The following TNFSF11 variants were observed in gnomAD, a reference collection of about 807,000 sequenced individuals.
TNFSF11 encodes tumor necrosis factor ligand superfamily member 11.
In TNFSF11, 12 loss-of-function variants were observed where a neutral mutation model predicts 32.2. The ratio of observed to expected loss-of-function variants is 0.37; its 90% CI spans 0.24 to 0.60. The LOEUF is 0.60. Among genes scored for constraint, TNFSF11 ranks in the 20% least tolerant of loss-of-function variants. The probability of loss-of-function intolerance (pLI) is 0.66; values close to 1 mark genes in which losing one functional copy is unlikely to be tolerated. For missense variants in TNFSF11, 345 were observed against 398.0 expected (o/e 0.87, Z 1.13); for synonymous variants, 172 against 152.1 (o/e 1.13, Z -0.96).
intron 2 of TNFSF11, among the ~76,000 whole-genome samples, chr13:42,588,304 G>A (rs1423763186): frequency 6.6e-6 from 1 of 152,230 alleles, no homozygotes; most frequent in Non-Finnish European, 1.5e-5. Flanking sequence ...AGGGAAGAAG[G>A]TAGGAAGCAG....
chr13:42,574,637 AG>A, intron 1 of TNFSF11, 115 bp downstream of exon 1: 2 of 1,280,950 alleles, frequency 1.6e-6, no homozygotes, highest in Non-Finnish European at 2.2e-6. Flanking sequence ...ATATTCCGGA[AG>A]GGAAAGTGAC....
intron 2 of TNFSF11, among the ~76,000 whole-genome samples, chr13:42,597,150 G>A (rs984236849): frequency 5.3e-5 from 7 of 131,444 alleles, no homozygotes; most frequent in Non-Finnish European, 1.1e-4. Flanking sequence ...ACAGATATTG[G>A]GAATACTTTC....
intron 4 of TNFSF11, among the ~76,000 whole-genome samples, chr13:42,602,345 G>T (rs866642713): frequency 7.9e-5 from 12 of 152,118 alleles, no homozygotes; most frequent in African/African-American, 2.9e-4. Context: ...TGTTATTTTT[G>T]AGTTCAATTA....
chr13:42,591,642 C>T (rs1868486962), intron 2 of TNFSF11, among the ~76,000 whole-genome samples: 1 of 152,170 alleles, frequency 6.6e-6, no homozygotes, highest in Non-Finnish European at 1.5e-5. Flanking sequence ...CAGCTCCATC[C>T]AGGTGCATAT....
chr13:42,587,822 T>C (rs1047713757), intron 2 of TNFSF11, among the ~76,000 whole-genome samples: 3 of 152,268 alleles, frequency 2.0e-5, no homozygotes, highest in African/African-American at 4.8e-5. Context: ...AGCTCATTCC[T>C]ATTTTTGAAC....
intron 4 of TNFSF11, among the ~76,000 whole-genome samples, 193 bp from the exon 5 acceptor site, chr13:42,606,304 T>C (rs529321503): frequency 6.6e-6 from 1 of 152,376 alleles, no homozygotes; most frequent in South Asian, 2.1e-4. Context: ...TCGTAGCCTC[T>C]ACTGTGCCTA....
chr13:42,564,592 A>G lies in TNFSF11; in HGVS notation c.-302+1629A>G, dbSNP rs1872802672. ...CAAAAAAAAAAAAAAATTCTTGTCTACTATTTCCAATATTTGGGTCATCTG... is the reference window on the plus strand; with the variant it reads ...CAAAAAAAAAAAAAAATTCTTGTCTGCTATTTCCAATATTTGGGTCATCTG... On this transcript the variant is annotated intron_variant, in intron 1 of 6. Coordinates refer to the TNFSF11 transcript ENST00000358545. Among the ~76,000 whole-genome samples the G allele has an allele frequency of 2.0e-5, 3 of 152,192 alleles. No homozygotes were observed. The South Asian group carries it at 6.2e-4, about 32-fold the overall frequency.
In TNFSF11 at chr13:42,600,782, A is replaced by T; in HGVS notation, c.418A>T (p.Ile140Phe). The part of the protein sequence containing the change: ...ELQHIVGSQH[I>F]RAEKAMVDGS... Reference sequence around the variant, plus strand: ...ACAACATATCGTTGGATCACAGCACATCAGAGCAGAGAAAGGTAAGCATGG... The same window carrying T: ...ACAACATATCGTTGGATCACAGCACTTCAGAGCAGAGAAAGGTAAGCATGG... The change falls in exon 3 of 5, where the codon ATC becomes TTC. Residue 140 changes from isoleucine to phenylalanine, a missense_variant. Around this residue, in one of 2 missense-constraint regions of TNFSF11, gnomAD observed 197 missense variants for 182.0 expected, o/e 1.08. Transcript: ENST00000398795. 6.2e-7 allele frequency: 1 copy of T among 1,614,172 alleles called. No individual in the cohort carries two copies. Among genetic ancestry groups the T allele is most frequent in the Non-Finnish European group, 8.5e-7 (1 of 1,180,016 alleles).
intron 3 of TNFSF11, 33 bp downstream of exon 3, chr13:42,600,830 C>T (rs1869133284): frequency 6.2e-7 from 1 of 1,613,812 alleles, no homozygotes; most frequent in Non-Finnish European, 8.5e-7. Context: ...GTATGAAATC[C>T]CACAGGGTCA....
Position 42,606,801 on chromosome 13 carries a change from A to G in TNFSF11, c.837A>G (p.Gly279=). 1 of 1,613,508 alleles carries G rather than the reference A, an allele frequency of 6.2e-7. No homozygotes were observed. The highest frequency in any genetic ancestry group is 8.5e-7 in the Non-Finnish European group (1 of 1,179,632). Residue 279 remains glycine (G), a synonymous_variant, in exon 5 of 5, where the codon GGA becomes GGG. Transcript: ENST00000398795. ...ATTTTTATTCCATAAACGTTGGTGGATTTTTTAAGTTACGGTCTGGAGAGG... is the reference window on the plus strand; with the variant it reads ...ATTTTTATTCCATAAACGTTGGTGGGTTTTTTAAGTTACGGTCTGGAGAGG... ...EFHFYSINVG[G]FFKLRSGEEI...
intron 1 of TNFSF11, chr13:42,563,106 T>C (rs1024983038): frequency 1.3e-5 from 2 of 152,194 alleles, no homozygotes; most frequent in Admixed American, 6.5e-5. Flanking sequence ...CTGAACATTT[T>C]ACCAAGCTCA....
intron 1 of TNFSF11, chr13:42,563,077 A>G (rs1290426794): frequency 6.6e-6 from 1 of 152,210 alleles, no homozygotes; most frequent in Non-Finnish European, 1.5e-5. Flanking sequence ...AAAGAGTACC[A>G]TGAATGAAAG....
At chr13:42,562,836 A>T (rs934771075) in exon 1 of TNFSF11, 1 of 152,268 alleles carries the variant, frequency 6.6e-6, no homozygotes, top group African/African-American at 2.4e-5. Flanking sequence ...ACAACAAGGC[A>T]GAATGTGTAC....
At chr13:42,595,083 AT>A (rs1399808123) in intron 2 of TNFSF11, among the ~76,000 whole-genome samples, 1 of 152,214 alleles carries the variant, frequency 6.6e-6, no homozygotes, top group Non-Finnish European at 1.5e-5. Flanking sequence ...AAATATCCTC[AT>A]CTCTATTGTT....
At chr13:42,600,617 T>A (rs1176716387) in intron 2 of TNFSF11, 135 bp from the exon 3 acceptor site, 26 of 947,220 alleles carry the variant, frequency 2.7e-5, no homozygotes, top group Non-Finnish European at 3.8e-5. Flanking sequence ...TATAGGAATT[T>A]CACTGCCAAT....
chr13:42,590,914 A>G lies in TNFSF11; in HGVS notation c.387+9621A>G, dbSNP rs530672983. On this transcript the variant is annotated intron_variant, in intron 2 of 4. Coordinates refer to ENST00000398795, the MANE Select transcript of TNFSF11 (RefSeq NM_003701.4). ...ATCAGTCTGCTTTATGAAAACAAGG[A>G]CATGCTATTCTTTAGCTCTTTGGTA... Among the ~76,000 whole-genome samples, 18 of 152,368 alleles carry G rather than the reference A, an allele frequency of 1.2e-4. No individual in the cohort carries two copies. In the South Asian group the frequency reaches 3.7e-3, roughly 32 times the overall value.
chr13:42,594,873 T>C (rs912501151), intron 2 of TNFSF11, among the ~76,000 whole-genome samples: 4 of 152,180 alleles, frequency 2.6e-5, no homozygotes, highest in Admixed American at 2.6e-4. Context: ...CATTGATCTT[T>C]TGTGTACTTT....
intron 2 of TNFSF11, among the ~76,000 whole-genome samples, chr13:42,584,505 A>C (rs1003567457): frequency 2.0e-5 from 3 of 152,138 alleles, no homozygotes; most frequent in African/African-American, 7.2e-5. Flanking sequence ...ACATTATCCC[A>C]CTTCGTTTGC....
At chr13:42,585,197 A>T (rs192222670) in intron 2 of TNFSF11, among the ~76,000 whole-genome samples, 10 of 152,358 alleles carry the variant, frequency 6.6e-5, no homozygotes, top group Admixed American at 2.6e-4. Context: ...TTCTCTTGCC[A>T]ATGCTAAAAA....
Sources: gnomAD v4.1 joint callset for allele counts (sites outside exome capture counted in the v4.1 genomes callset) on GRCh38, gnomAD v4.1.1 for gene constraint, gnomAD v4.1.1 regional missense constraint, MANE v1.5 for transcripts, NCBI Gene and HGNC (gene_info 2026-07-23, HGNC 2026-07-21) for gene names.